Variants in TOX3 observed in about 807,000 individuals in gnomAD.
TOX3 encodes the protein TOX high mobility group box family member 3, also known as CAG trinucleotide repeat-containing gene F9 protein.
Under a neutral mutation model 64.3 loss-of-function variants are expected in TOX3, and 22 were observed. The observed-to-expected ratio is 0.34, with a 90% CI of 0.24 to 0.49. TOX3 has a LOEUF of 0.49. Among genes scored for constraint, TOX3 ranks in the 20% least tolerant of loss-of-function variants. TOX3 has a pLI of 0.99. For synonymous variants in TOX3, 291 were observed against 273.6 expected, an observed-to-expected ratio of 1.06 and a Z score of -0.63; for missense variants, 661 against 714.4, an observed-to-expected ratio of 0.93 and a Z score of 0.85.
At chr16:52,512,829 A>G (rs2151473036) in intron 1 of TOX3, among the ~76,000 whole-genome samples, 1 of 152,258 alleles carries the variant, frequency 6.6e-6, no homozygotes, top group South Asian at 2.1e-4. Context: ...AAAAAAAAAG[A>G]AGAAGAAGAA....
intron 1 of TOX3, among the ~76,000 whole-genome samples, chr16:52,524,113 T>C (rs1479732983): frequency 1.3e-5 from 2 of 152,228 alleles, no homozygotes; most frequent in African/African-American, 4.8e-5. Flanking sequence ...GAGCTGTTTA[T>C]CACAGTTGGA....
At chr16:52,448,004 A>G (rs1960215318) in intron 4 of TOX3, among the ~76,000 whole-genome samples, 1 of 152,190 alleles carries the variant, frequency 6.6e-6, no homozygotes, top group Admixed American at 6.5e-5. Flanking sequence ...GTAAAACAAT[A>G]TTCAAATGTC....
chr16:52,516,002 C>T (rs1054323083), intron 1 of TOX3, among the ~76,000 whole-genome samples: 1 of 150,940 alleles, frequency 6.6e-6, no homozygotes, highest in African/African-American at 2.4e-5. Flanking sequence ...TGAATCTGTA[C>T]ATATAAATCA....
Position 52,439,201 on chromosome 16 carries a change from C to A in TOX3, c.*24G>T. On this transcript the variant is annotated 3_prime_UTR_variant, in exon 7 of 7. Transcript: ENST00000219746. ...CCTATGCCACTCTCCTTGGTATACG[C>A]AAATCCGTCTGCCATATGCGTCTTC... 6.2e-7 allele frequency: 1 copy of A among 1,613,670 alleles called. No homozygotes were observed. Among genetic ancestry groups the A allele is most frequent in the Non-Finnish European group, 8.5e-7 (1 of 1,179,752 alleles).
chr16:52,442,765 C>T (rs1350916696), intron 6 of TOX3, among the ~76,000 whole-genome samples: 1 of 152,164 alleles, frequency 6.6e-6, no homozygotes, highest in East Asian at 1.9e-4. Flanking sequence ...ATTTAGGATC[C>T]TCTCAAAGTG....
intron 1 of TOX3, among the ~76,000 whole-genome samples, chr16:52,542,702 C>A (rs1963101848): frequency 6.6e-6 from 1 of 152,144 alleles, no homozygotes; most frequent in Non-Finnish European, 1.5e-5. Flanking sequence ...AACCTTATTT[C>A]TTTTTCACAA....
chr16:52,489,523 T>C (rs942652347), intron 1 of TOX3, among the ~76,000 whole-genome samples: 4 of 152,198 alleles, frequency 2.6e-5, no homozygotes, highest in Non-Finnish European at 5.9e-5. Flanking sequence ...GAAAGAGTTA[T>C]TTTCATTTGG....
At position 52,450,278 on chromosome 16, in the gene TOX3, C is replaced by T. The variant is rs1218947197; in HGVS notation, c.677G>A (p.Arg226Lys). ...INEEDADEAN[R>K]AIGEKRAAPD... ...CACACTAAGGCAGTTCTAACTTACT[C>T]TGTTGGCTTCATCAGCATCCTCTTC... The change falls in exon 4 of 7, where the codon AGA (arginine) becomes AAA (lysine). Residue 226 changes from arginine (R) to lysine (K), a missense_variant and splice_region_variant. By Grantham distance (26) the Arg-to-Lys change is conservative (BLOSUM62 2). Around this residue, in one of 3 missense-constraint regions of TOX3, gnomAD observed 103 missense variants for 161.2 expected, o/e 0.64. Coordinates refer to ENST00000219746, the MANE Select transcript of TOX3 (RefSeq NM_001080430.4). 1.2e-6 allele frequency: 2 copies of T among 1,614,016 alleles called. No homozygotes were observed. Among genetic ancestry groups the T allele is most frequent in the Non-Finnish European group, 1.7e-6 (2 of 1,179,872 alleles).
chr16:52,526,363 A>G (rs1962727110), intron 1 of TOX3, among the ~76,000 whole-genome samples: 1 of 152,210 alleles, frequency 6.6e-6, no homozygotes, highest in African/African-American at 2.4e-5. Flanking sequence ...GAATTGGTCA[A>G]TTCTGTCCAA....
intron 1 of TOX3, among the ~76,000 whole-genome samples, chr16:52,471,931 C>A (rs1961057936): frequency 6.6e-6 from 1 of 152,186 alleles, no homozygotes; most frequent in Non-Finnish European, 1.5e-5. Context: ...TCCTCCCTAC[C>A]TCATGATCTC....
chr16:52,472,720 A>C (rs1276714514), intron 1 of TOX3, among the ~76,000 whole-genome samples: 1 of 152,218 alleles, frequency 6.6e-6, no homozygotes, highest in Non-Finnish European at 1.5e-5. Flanking sequence ...GGTCATATAC[A>C]AACATTATTA....
At chr16:52,513,044 G>A (rs879611982) in intron 1 of TOX3, among the ~76,000 whole-genome samples, 9 of 152,154 alleles carry the variant, frequency 5.9e-5, no homozygotes, top group African/African-American at 1.7e-4. Context: ...CACTGCGGTG[G>A]AACACAAGGA....
At chr16:52,518,164 A>G (rs1291470442) in intron 1 of TOX3, among the ~76,000 whole-genome samples, 1 of 152,208 alleles carries the variant, frequency 6.6e-6, no homozygotes, top group Non-Finnish European at 1.5e-5. Context: ...ATTTCAGGCC[A>G]GTTTTGAAGA....
At chr16:52,476,432 T>C (rs1961209124) in intron 1 of TOX3, among the ~76,000 whole-genome samples, 1 of 152,130 alleles carries the variant, frequency 6.6e-6, no homozygotes, top group Non-Finnish European at 1.5e-5. Context: ...AAAACAAATA[T>C]AAGTAGAAGT....
intron 3 of TOX3, among the ~76,000 whole-genome samples, chr16:52,451,289 G>A (rs1960337542): frequency 6.6e-6 from 1 of 152,202 alleles, no homozygotes; most frequent in Non-Finnish European, 1.5e-5. Context: ...AATCCATCAT[G>A]ATTTAATGTA....
chr16:52,453,827 T>G (rs986564050), intron 3 of TOX3, among the ~76,000 whole-genome samples: 1 of 152,192 alleles, frequency 6.6e-6, no homozygotes, highest in South Asian at 2.1e-4. Context: ...CATCTGCAAT[T>G]TATGCCTTTA....
At chr16:52,542,123 C>T (rs1357568201) in intron 1 of TOX3, among the ~76,000 whole-genome samples, 1 of 152,134 alleles carries the variant, frequency 6.6e-6, no homozygotes, top group Non-Finnish European at 1.5e-5. Flanking sequence ...GAGCTCAGAT[C>T]AATAGTGCTT....
At chr16:52,459,841 T>C (rs911449542) in intron 3 of TOX3, among the ~76,000 whole-genome samples, 1 of 152,114 alleles carries the variant, frequency 6.6e-6, no homozygotes, top group Non-Finnish European at 1.5e-5. Flanking sequence ...AAAAATGGCA[T>C]GAAAGTCATT....
At chr16:52,501,255 C>T (rs1439945174) in intron 1 of TOX3, among the ~76,000 whole-genome samples, 3 of 152,152 alleles carry the variant, frequency 2.0e-5, no homozygotes, top group Non-Finnish European at 4.4e-5. Context: ...AACATGGGCA[C>T]CCAATTGCAA....
Sources: gnomAD v4.1 joint callset for allele counts (sites outside exome capture counted in the v4.1 genomes callset) on GRCh38, gnomAD v4.1.1 for gene constraint, gnomAD v4.1.1 regional missense constraint, MANE v1.5 for transcripts, NCBI Gene and HGNC (gene_info 2026-07-23, HGNC 2026-07-21) for gene names.